Variants in IL6R observed in about 807,000 individuals in gnomAD.
IL6R encodes interleukin-6 receptor subunit alpha.
A neutral mutation model predicts 48.3 loss-of-function variants in IL6R; 38 were observed. That is an observed-to-expected ratio of 0.79 (90% CI 0.61 to 1.03). The LOEUF is 1.03. Among genes scored for constraint, IL6R ranks in the 50% least tolerant of loss-of-function variants. The pLI is 0.00. For missense variants in IL6R, 534 were observed against 618.3 expected (o/e 0.86, Z 1.45); for synonymous variants, 264 against 256.2 (o/e 1.03, Z -0.29).
intron 1 of IL6R, among the ~76,000 whole-genome samples, chr1:154,411,599 T>C (rs1688023519): frequency 6.6e-6 from 1 of 152,136 alleles, no homozygotes; most frequent in South Asian, 2.1e-4. Context: ...GCCGCTGAGG[T>C]AGCAGAGAGA....
At chr1:154,416,924 A>T (rs749536128) in intron 1 of IL6R, among the ~76,000 whole-genome samples, 1 of 152,038 alleles carries the variant, frequency 6.6e-6, no homozygotes, top group Non-Finnish European at 1.5e-5. Flanking sequence ...CCCCCTATGC[A>T]CACCCCTCAA....
chr1:154,454,361 G>C lies in IL6R; in HGVS notation c.1067-127G>C, dbSNP rs982603922. On this transcript the variant is annotated intron_variant, in intron 8 of 9. Coordinates refer to ENST00000368485, the MANE Select transcript of IL6R (RefSeq NM_000565.4). ...CAGAGCTGTTTCATTTTCTGGGAGG[G>C]GGGTTGGAGGGGAAGGTTCCTTTGA... 66 of 634,900 alleles carry C rather than the reference G, an allele frequency of 1.0e-4. 1 individual carries two copies. Among genetic ancestry groups the C allele is most frequent in the Non-Finnish European group, 8.4e-6 (3 of 357,398 alleles). The allele number at this position is 634,900 out of a possible 1,614,324, so 39.3% of individuals were successfully genotyped here. A position where few individuals can be genotyped will look rare whatever the true frequency, so the allele number is the denominator to read the frequency against.
chr1:154,463,264 T>G (rs1691367772), intron 9 of IL6R, among the ~76,000 whole-genome samples: 2 of 152,230 alleles, frequency 1.3e-5, no homozygotes, highest in African/African-American at 4.8e-5. Flanking sequence ...TCCTCAGTCC[T>G]TTCTTACAGG....
At chr1:154,434,905 C>A in intron 4 of IL6R, 85 bp from the exon 5 acceptor site, 1 of 1,438,776 alleles carries the variant, frequency 7.0e-7, no homozygotes, top group Non-Finnish European at 9.5e-7. Flanking sequence ...CTGGGTGGGG[C>A]CCTGCTTGCT....
chr1:154,406,315 T>C (rs1687717369), intron 1 of IL6R: 1 of 152,364 alleles, frequency 6.6e-6, no homozygotes, highest in Admixed American at 6.5e-5. Context: ...GGAAGCCAAG[T>C]GCCCCAGTCC....
At position 154,418,306 on chromosome 1, in the gene IL6R, C is replaced by T. The variant is rs1013167804; in HGVS notation, c.86-10890C>T. 26 of 432,990 alleles carry T rather than the reference C, an allele frequency of 6.0e-5. No homozygotes were observed. The East Asian group carries it at 7.9e-4, about 13-fold the overall frequency. 26.8% of individuals were successfully genotyped at this position (432,990 alleles called of 1,614,324 possible). On this transcript the variant is annotated intron_variant, in intron 1 of 9. Coordinates refer to ENST00000368485, the MANE Select transcript of IL6R (RefSeq NM_000565.4). ...TGTTTTATCTCCTGAGTTGGTCACA[C>T]GCGCACGTGGGTCTCTGAGTCAGCA...
intron 9 of IL6R, among the ~76,000 whole-genome samples, chr1:154,463,728 A>G (rs945198618): frequency 6.6e-6 from 1 of 152,168 alleles, no homozygotes; most frequent in African/African-American, 2.4e-5. Flanking sequence ...GCTTTTGAAG[A>G]TCCATGTCAC....
intron 1 of IL6R, among the ~76,000 whole-genome samples, chr1:154,420,635 A>G (rs955203760): frequency 2.0e-5 from 3 of 146,562 alleles, no homozygotes; most frequent in Non-Finnish European, 4.4e-5. Flanking sequence ...TCCCGGATTC[A>G]AGCGATTCTC....
intron 3 of IL6R, 57 bp from the exon 4 acceptor site, chr1:154,434,462 G>T (rs1016835934): frequency 1.2e-4 from 187 of 1,511,916 alleles, no homozygotes; most frequent in Admixed American, 1.8e-4. Context: ...CTTCTGTCCC[G>T]TCTTGAGTCT....
rs901191411 is a variant in IL6R at position 154,467,407 on chromosome 1, A to G, written c.*2027A>G. 1.3e-5 allele frequency: 2 copies of G among 150,522 alleles called. No individual in the cohort carries two copies. Among genetic ancestry groups the G allele is most frequent in the African/African-American group, 5.0e-5 (2 of 39,876 alleles). 9.3% of individuals were successfully genotyped at this position (150,522 alleles called of 1,614,324 possible). Reference sequence around the variant, plus strand: ...GACCCAATATTTACCAGACCACAAAACTTTTCTAATACTCTACCCTCTTAG... The same window carrying G: ...GACCCAATATTTACCAGACCACAAAGCTTTTCTAATACTCTACCCTCTTAG... On this transcript the variant is annotated 3_prime_UTR_variant, in exon 10 of 10. Coordinates refer to ENST00000368485, the MANE Select transcript of IL6R (RefSeq NM_000565.4).
At chr1:154,427,335 A>G (rs1689032290) in intron 1 of IL6R, among the ~76,000 whole-genome samples, 1 of 152,090 alleles carries the variant, frequency 6.6e-6, no homozygotes, top group African/African-American at 2.4e-5. Context: ...CTTCCTTGCC[A>G]GTGCCTGGCT....
chr1:154,464,247 C>T (rs528220480), intron 9 of IL6R, among the ~76,000 whole-genome samples: 4 of 151,806 alleles, frequency 2.6e-5, no homozygotes, highest in Non-Finnish European at 4.4e-5. Context: ...CTCTGCCTCC[C>T]GTGTTCAAGC....
At chr1:154,432,610 G>A (rs1295685820) in intron 3 of IL6R, among the ~76,000 whole-genome samples, 2 of 152,198 alleles carry the variant, frequency 1.3e-5, no homozygotes, top group East Asian at 3.9e-4. Flanking sequence ...CGCCTGTCTC[G>A]GCCTCCCAAA....
chr1:154,426,801 A>G (rs931511368), intron 1 of IL6R, among the ~76,000 whole-genome samples: 2 of 152,192 alleles, frequency 1.3e-5, no homozygotes, highest in African/African-American at 4.8e-5. Context: ...ATATTGTTGA[A>G]GATTCTGTGT....
chr1:154,464,161 T>C (rs2149279292), intron 9 of IL6R, among the ~76,000 whole-genome samples: 2 of 78,998 alleles, frequency 2.5e-5, no homozygotes, highest in East Asian at 6.2e-4. Context: ...CTTTTCTTTT[T>C]TTTTATTTTT....
rs533281283 is a variant in IL6R at position 154,405,456 on chromosome 1, C to T, written c.-174C>T. ...AGAGGAGCCGAGCGCGGCGCGGGGC[C>T]GAGGGACTCGCAGTGTGTGTAGAGA... On this transcript the variant is annotated 5_prime_UTR_variant, in exon 1 of 10. Transcript: ENST00000368485. This position sits in a 1 kb window ranked among gnomAD's most constrained non-coding sequence, Gnocchi z 5.2. 4 of 577,996 alleles carry T rather than the reference C, an allele frequency of 6.9e-6. 1 individual carries two copies. The highest frequency in any genetic ancestry group is 4.5e-5 in the South Asian group (2 of 44,700). The allele number at this position is 577,996 out of a possible 1,614,324, so 35.8% of individuals were successfully genotyped here. A position where few individuals can be genotyped will look rare whatever the true frequency, so the allele number is the denominator to read the frequency against.
intron 1 of IL6R, among the ~76,000 whole-genome samples, chr1:154,413,447 G>A (rs1688154168): frequency 6.6e-6 from 1 of 152,248 alleles, no homozygotes; most frequent in South Asian, 2.1e-4. Context: ...GATGGGCAAA[G>A]GCCATGAGAT....
At chr1:154,434,433 C>T in intron 3 of IL6R, 86 bp from the exon 4 acceptor site, 1 of 1,215,844 alleles carries the variant, frequency 8.2e-7, no homozygotes, top group Non-Finnish European at 1.2e-6. Context: ...GGATTCAAAC[C>T]CCGGGATTCC....
rs372431155 is a variant in IL6R, at chr1:154,420,511, T to TTTTATTTATTTATTTATTTA, written c.86-8673_86-8654dup. 5.0e-3 allele frequency among the ~76,000 whole-genome samples: 733 copies of TTTTATTTATTTATTTATTTA among 147,880 alleles called. 9 individuals are homozygous for TTTTATTTATTTATTTATTTA. The highest frequency in any genetic ancestry group is 6.4e-3 in the Non-Finnish European group (432 of 67,080). On this transcript the variant is annotated intron_variant, in intron 1 of 9. Transcript: ENST00000368485. ...GCTTGTGGAGATGTACTTTATTTTA[T>TTTTATTTATTTATTTATTTA]TTTATTTATTTATTTATTTATTTAT...
Sources: gnomAD v4.1 joint callset for allele counts (sites outside exome capture counted in the v4.1 genomes callset) on GRCh38, gnomAD v4.1.1 for gene constraint, Gnocchi (gnomAD v3.1) non-coding constraint, MANE v1.5 for transcripts, NCBI Gene and HGNC (gene_info 2026-07-23, HGNC 2026-07-21) for gene names.